Variants in SEC63 observed in about 807,000 individuals in gnomAD.
The protein encoded by SEC63 is SEC63 protein translocation regulator, also known as translocation protein SEC63 homolog.
In SEC63, 56 loss-of-function variants were observed where a neutral mutation model predicts 116.2. That is an observed-to-expected ratio of 0.48 (90% CI 0.39 to 0.60). The LOEUF (loss-of-function observed/expected upper bound fraction) is 0.60. SEC63 is among the 20% of genes least tolerant of loss of function. SEC63 has a pLI of 0.00. For synonymous variants in SEC63, 273 were observed against 294.6 expected, an observed-to-expected ratio of 0.93 and a Z score of 0.75; for missense variants, 668 against 900.0, an observed-to-expected ratio of 0.74 and a Z score of 3.30.
In SEC63 at chr6:107,869,209, A is replaced by G. The variant is rs924179980; in HGVS notation, c.*2495T>C. On this transcript the variant is annotated 3_prime_UTR_variant, in exon 21 of 21. Transcript: ENST00000369002. ...ATGTGCTCCCTAACTTAAAAAAAAA[A>G]TTATGAAAAATGTTTAAAAAATTCA... 1.3e-5 allele frequency: 2 copies of G among 152,094 alleles called. No individual in the cohort carries two copies. Among genetic ancestry groups the G allele is most frequent in the African/African-American group, 4.8e-5 (2 of 41,358 alleles). 9.4% of individuals were successfully genotyped at this position (152,094 alleles called of 1,614,324 possible).
At chr6:107,934,596 G>A (rs577481613) in intron 1 of SEC63, among the ~76,000 whole-genome samples, 14 of 149,276 alleles carry the variant, frequency 9.4e-5, no homozygotes, top group African/African-American at 2.5e-4. Flanking sequence ...GTCTCCGCCC[G>A]GCAGCCACCC....
intron 1 of SEC63, among the ~76,000 whole-genome samples, chr6:107,933,114 G>A (rs1787849798): frequency 6.6e-6 from 1 of 152,160 alleles, no homozygotes; most frequent in Non-Finnish European, 1.5e-5. Context: ...TGTGACAACG[G>A]AAGCAGATGC....
intron 1 of SEC63, among the ~76,000 whole-genome samples, chr6:107,937,588 T>A (rs1375568592): frequency 6.6e-6 from 1 of 152,208 alleles, no homozygotes. Flanking sequence ...TTGGGTCAAA[T>A]CACAATTCTC....
chr6:107,952,543 AG>A (rs1770602292), intron 1 of SEC63, among the ~76,000 whole-genome samples: 1 of 152,188 alleles, frequency 6.6e-6, no homozygotes, highest in Non-Finnish European at 1.5e-5. Context: ...AGATCCCTTG[AG>A]GTCAGGAGTT....
chr6:107,892,650 A>T (rs1786710620), intron 16 of SEC63, among the ~76,000 whole-genome samples: 1 of 152,200 alleles, frequency 6.6e-6, no homozygotes. Context: ...CAGAATATAT[A>T]CAGAATTCCT....
Position 107,913,498 on chromosome 6 carries a change from C to T in SEC63, c.453-71G>A, listed in dbSNP as rs147993828. Reference sequence around the variant, plus strand: ...AAAAACAAGTACTCATATAGACAAACTCCATTAGCCAACCAACTCATTTCT... The same window carrying T: ...AAAAACAAGTACTCATATAGACAAATTCCATTAGCCAACCAACTCATTTCT... On this transcript the variant is annotated intron_variant, in intron 4 of 20. Transcript: ENST00000369002. The T allele has an allele frequency of 2.8e-5, 29 of 1,026,664 alleles. No homozygotes were observed. In the East Asian group the frequency reaches 6.4e-4, roughly 23 times the overall value. 63.6% of individuals were successfully genotyped at this position (1,026,664 alleles called of 1,614,324 possible). A position where few individuals can be genotyped will look rare whatever the true frequency, so the allele number is the denominator to read the frequency against.
At chr6:107,949,882 C>G (rs374078695) in intron 1 of SEC63, among the ~76,000 whole-genome samples, 2 of 152,168 alleles carry the variant, frequency 1.3e-5, no homozygotes, top group East Asian at 1.9e-4. Context: ...GTGTTCCTCC[C>G]ACCTCAGCTT....
chr6:107,911,988 T>C (rs1326435449), intron 6 of SEC63, among the ~76,000 whole-genome samples: 1 of 152,220 alleles, frequency 6.6e-6, no homozygotes, highest in Admixed American at 6.5e-5. Flanking sequence ...CGACTATTCC[T>C]ACTAACCAGA....
At chr6:107,916,282 C>G (rs958501924) in intron 4 of SEC63, among the ~76,000 whole-genome samples, 1 of 152,228 alleles carries the variant, frequency 6.6e-6, no homozygotes, top group Non-Finnish European at 1.5e-5. Flanking sequence ...GAGACACTAA[C>G]TGAAAGACAG....
intron 1 of SEC63, among the ~76,000 whole-genome samples, chr6:107,942,663 A>G (rs1399210299): frequency 4.6e-5 from 7 of 152,232 alleles, no homozygotes; most frequent in Non-Finnish European, 1.0e-4. Flanking sequence ...AAATCTGCAT[A>G]TAACTTTTGG....
chr6:107,896,028 T>G (rs759091306), intron 14 of SEC63, among the ~76,000 whole-genome samples: 22 of 150,468 alleles, frequency 1.5e-4, no homozygotes, highest in Non-Finnish European at 2.5e-4. Context: ...TGGCTGGACA[T>G]GGTGGTGCAC....
At chr6:107,898,109 CAA>C (rs1310106818) in intron 13 of SEC63, among the ~76,000 whole-genome samples, 1 of 151,936 alleles carries the variant, frequency 6.6e-6, no homozygotes, top group Non-Finnish European at 1.5e-5. Context: ...ATAAAAAATA[CAA>C]AAATTAGCCA....
intron 2 of SEC63, among the ~76,000 whole-genome samples, chr6:107,926,830 A>C (rs2114483809): frequency 6.6e-6 from 1 of 152,332 alleles, no homozygotes; most frequent in South Asian, 2.1e-4. Context: ...CAGTTCTCCA[A>C]GCCAAGGAAT....
intron 1 of SEC63, among the ~76,000 whole-genome samples, chr6:107,940,616 C>T (rs144005504): frequency 1.9e-4 from 29 of 151,996 alleles, no homozygotes; most frequent in African/African-American, 6.8e-4. Flanking sequence ...TTAAAGTGCG[C>T]GCACACATAC....
At position 107,869,097 on chromosome 6, in the gene SEC63, C is replaced by G. The variant is rs549810875; in HGVS notation, c.*2607G>C. Reference sequence around the variant, plus strand: ...CCCCATACACAGTGGGACAGTACAGCTGGACAGGCCTGTCCTTTTCCAGCC... The same window carrying G: ...CCCCATACACAGTGGGACAGTACAGGTGGACAGGCCTGTCCTTTTCCAGCC... On this transcript the variant is annotated 3_prime_UTR_variant, in exon 21 of 21. Transcript: ENST00000369002. 1.3e-5 allele frequency: 2 copies of G among 152,278 alleles called. No individual in the cohort carries two copies. The highest frequency in any genetic ancestry group is 1.3e-4 in the Admixed American group (2 of 15,290). 9.4% of individuals were successfully genotyped at this position (152,278 alleles called of 1,614,324 possible). A position where few individuals can be genotyped will look rare whatever the true frequency, so the allele number is the denominator to read the frequency against.
At chr6:107,891,297 C>T (rs543214594) in intron 16 of SEC63, among the ~76,000 whole-genome samples, 11 of 151,914 alleles carry the variant, frequency 7.2e-5, no homozygotes, top group African/African-American at 1.9e-4. Flanking sequence ...CTTGTTTTCT[C>T]GCTTTATTTC....
At chr6:107,954,615 TTAAG>T (rs1308871303) in intron 1 of SEC63, 3 of 152,166 alleles carry the variant, frequency 2.0e-5, no homozygotes, top group Non-Finnish European at 4.4e-5. Context: ...TAACTATTTA[TTAAG>T]TGAGATAAAG....
intron 1 of SEC63, among the ~76,000 whole-genome samples, chr6:107,957,041 T>C (rs1770724808): frequency 6.6e-6 from 1 of 151,804 alleles, no homozygotes; most frequent in South Asian, 2.1e-4. Context: ...TATGTCCTAG[T>C]AGAGTGCAAC....
chr6:107,947,523 T>A (rs1489167617), intron 1 of SEC63, among the ~76,000 whole-genome samples: 1 of 150,110 alleles, frequency 6.7e-6, no homozygotes, highest in Non-Finnish European at 1.5e-5. Flanking sequence ...AGTGGAGCAG[T>A]GATGGTGCCA....
Sources: allele counts gnomAD v4.1 joint callset (sites outside exome capture counted in the v4.1 genomes callset), GRCh38; gene constraint gnomAD v4.1.1; transcripts MANE v1.5; gene names NCBI Gene and HGNC (gene_info 2026-07-23, HGNC 2026-07-21).